PI16: variants seen among roughly 807,000 people sequenced by gnomAD.
PI16 encodes the protein peptidase inhibitor 16, also known as PSP94-binding protein.
PI16 carries 35 observed loss-of-function variants against 38.0 expected under a neutral mutation model. That is an observed-to-expected ratio of 0.92 (90% CI 0.70 to 1.22). PI16 has a LOEUF of 1.22. PI16 is among the 50% of genes most tolerant of loss of function. The pLI, the probability that PI16 is intolerant of heterozygous loss-of-function variation, is 0.00. For synonymous variants in PI16, 275 were observed against 252.9 expected (o/e 1.09, Z -0.83); for missense variants, 572 against 593.8 (o/e 0.96, Z 0.38).
rs150690627 is a variant in PI16, at chr6:36,963,500, A to G, written c.1158A>G (p.Thr386=). 1.9e-6 allele frequency: 3 copies of G among 1,614,164 alleles called. No homozygotes were observed. Among genetic ancestry groups the G allele is most frequent in the Non-Finnish European group, 1.7e-6 (2 of 1,180,034 alleles). The change falls in exon 5 of 7, where the codon ACA becomes ACG. Residue 386 remains threonine (T), a synonymous_variant. Coordinates refer to ENST00000373674, the MANE Select transcript of PI16 (RefSeq NM_153370.3). The stretch of plus-strand genomic sequence containing the variant: ...ACAAGCCAGGTGAGCTGCAGGCCAC[A>G]CTGGACCACACGGGGCACACCTCCT... ...AQDKPGELQA[T]LDHTGHTSSK... is the part of the protein sequence containing the mutation.
intron 2 of PI16, among the ~76,000 whole-genome samples, chr6:36,959,647 A>C (rs1041822049): frequency 2.0e-5 from 3 of 152,182 alleles, no homozygotes; most frequent in Non-Finnish European, 2.9e-5. Context: ...CCGAGCTGGG[A>C]GGATCGCTTA....
At chr6:36,959,638 C>T (rs895911353) in intron 2 of PI16, among the ~76,000 whole-genome samples, 1 of 152,120 alleles carries the variant, frequency 6.6e-6, no homozygotes, top group African/African-American at 2.4e-5. Flanking sequence ...TTTGGGAGGC[C>T]GAGCTGGGAG....
At chr6:36,959,093 C>T (rs1763277028) in intron 1 of PI16, 52 bp from the exon 2 acceptor site, 1 of 1,490,436 alleles carries the variant, frequency 6.7e-7, no homozygotes, top group Non-Finnish European at 9.1e-7. Context: ...TTTGCTTGGT[C>T]CCCACAGCAT....
upstream of PI16, among the ~76,000 whole-genome samples, chr6:36,951,052 T>C (rs555377037): frequency 1.3e-5 from 2 of 152,354 alleles, no homozygotes; most frequent in African/African-American, 2.4e-5. Context: ...TGTTTCTTAA[T>C]AATAGCCATC....
intron 6 of PI16, among the ~76,000 whole-genome samples, 163 bp from the exon 7 acceptor site, chr6:36,964,223 T>A (rs963590598): frequency 3.9e-5 from 6 of 152,178 alleles, no homozygotes; most frequent in South Asian, 2.1e-4. Flanking sequence ...GAGCGGTATT[T>A]ACATGTGCCC....
At chr6:36,956,022 C>G (rs1763196161) in intron 1 of PI16, among the ~76,000 whole-genome samples, 1 of 152,136 alleles carries the variant, frequency 6.6e-6, no homozygotes, top group African/African-American at 2.4e-5. Flanking sequence ...TAACAGTGAG[C>G]CTGGGGCCCC....
chr6:36,964,216 C>A (rs185739385), intron 6 of PI16, among the ~76,000 whole-genome samples, 170 bp from the exon 7 acceptor site: 4 of 152,308 alleles, frequency 2.6e-5, no homozygotes, highest in African/African-American at 9.6e-5. Flanking sequence ...CTGTTCTGAG[C>A]GGTATTTACA....
chr6:36,962,040 C>A lies in PI16; in HGVS notation c.592+66C>A. 1.5e-6 allele frequency: 2 copies of A among 1,372,244 alleles called. No individual in the cohort carries two copies. The highest frequency in any genetic ancestry group is 1.2e-5 in the South Asian group (1 of 85,970). 85.0% of individuals were successfully genotyped at this position (1,372,244 alleles called of 1,614,324 possible). Reference sequence around the variant, plus strand: ...AATGATGCGATGCAGACTGGATGGTCTAAGAGCCTCCCTGGACTGAGCGGG... The same window carrying A: ...AATGATGCGATGCAGACTGGATGGTATAAGAGCCTCCCTGGACTGAGCGGG... On this transcript the variant is annotated intron_variant, in intron 4 of 6. Coordinates refer to ENST00000373674, the MANE Select transcript of PI16 (RefSeq NM_153370.3). The surrounding 1 kb of genome is among the most constrained non-coding windows in gnomAD (Gnocchi z 4.1).
At position 36,959,364 on chromosome 6, in the gene PI16, C is replaced by T; in HGVS notation, c.391C>T (p.Gln131Ter). 6.4e-7 allele frequency: 1 copy of T among 1,552,028 alleles called. No individual in the cohort carries two copies. Among genetic ancestry groups the T allele is most frequent in the East Asian group, 2.4e-5 (1 of 41,298 alleles). ...AGGCCAGATGTGCGGCCACTACACG[C>T]AGGTGTGGGCCCGGCGGGCGAGGCG... ...SPGQMCGHYT[Q>*]VVWAKTERIG... The change falls in exon 2 of 7, where the codon CAG becomes TAG. Residue 131 changes from glutamine to a stop codon, truncating the protein, a stop_gained and splice_region_variant. Transcript: ENST00000373674. LOFTEE classifies it high-confidence loss of function.
chr6:36,959,368 T>G lies in PI16; in HGVS notation c.393+2T>G. The G allele has an allele frequency of 3.2e-6, 5 of 1,549,420 alleles. No homozygotes were observed. Among genetic ancestry groups the G allele is most frequent in the Non-Finnish European group, 4.4e-6 (5 of 1,146,850 alleles). On this transcript the variant is annotated splice_donor_variant, in intron 2 of 6. Transcript: ENST00000373674. LOFTEE classifies it high-confidence loss of function. ...CAGATGTGCGGCCACTACACGCAGG[T>G]GTGGGCCCGGCGGGCGAGGCGGGGC...
rs759353266 is a variant in PI16 at position 36,954,752 on chromosome 6, C to T, written c.-9C>T. The T allele has an allele frequency of 6.2e-7, 1 of 1,607,216 alleles. No homozygotes were observed. Among genetic ancestry groups the T allele is most frequent in the South Asian group, 1.1e-5 (1 of 90,578 alleles). On this transcript the variant is annotated 5_prime_UTR_variant, in exon 1 of 7. Transcript: ENST00000373674. Reference sequence around the variant, plus strand: ...CCCTGGACGGGAGAAGGAGAGACGGCTGGCCACCATGCACGGCTCCTGCAG... The same window carrying T: ...CCCTGGACGGGAGAAGGAGAGACGGTTGGCCACCATGCACGGCTCCTGCAG...
intron 2 of PI16, 41 bp downstream of exon 2, chr6:36,959,407 G>A: frequency 6.6e-7 from 1 of 1,513,596 alleles, no homozygotes; most frequent in Non-Finnish European, 8.8e-7. Flanking sequence ...GCCTCGCGGC[G>A]TGGGGGTGGG....
intron 3 of PI16, 127 bp downstream of exon 3, chr6:36,961,687 G>GTCT: frequency 1.0e-6 from 1 of 964,670 alleles, no homozygotes; most frequent in South Asian, 1.4e-5. Flanking sequence ...ATACTGTCCA[G>GTCT]GGAGCTGTGA....
intron 1 of PI16, among the ~76,000 whole-genome samples, chr6:36,949,657 T>G (rs375621093): frequency 4.4e-4 from 67 of 152,340 alleles, no homozygotes; most frequent in Admixed American, 2.2e-3. Context: ...CTTCCGATTC[T>G]TTTCCACATC....
In PI16 at chr6:36,963,176, A is replaced by G. The variant is rs1449386816; in HGVS notation, c.834A>G (p.Thr278=). ...LATKDPPSMA[T]EAPPCVTTEV... is the part of the protein sequence containing the mutation. ...CGAAAGACCCGCCCTCCATGGCAAC[A>G]GAGGCTCCACCTTGCGTAACAACTG... The change falls in exon 5 of 7, where the codon ACA becomes ACG. Residue 278 remains threonine (T), a synonymous_variant. Coordinates refer to ENST00000373674, the MANE Select transcript of PI16 (RefSeq NM_153370.3). 6.2e-7 allele frequency: 1 copy of G among 1,614,210 alleles called. No homozygotes were observed. The highest frequency in any genetic ancestry group is 8.5e-7 in the Non-Finnish European group (1 of 1,180,032).
At position 36,963,351 on chromosome 6, in the gene PI16, C is replaced by G. The variant is rs772360531; in HGVS notation, c.1009C>G (p.Leu337Val). ...KVPSRSPENS[L>V]DPKMSLTGAR... ...GCCCTCTAGGAGCCCAGAGAACTCT[C>G]TGGACCCCAAGATGTCCCTGACAGG... Residue 337 changes from leucine (L) to valine (V), a missense_variant, in exon 5 of 7, where the codon CTG becomes GTG. Coordinates refer to ENST00000373674, the MANE Select transcript of PI16 (RefSeq NM_153370.3). The G allele has an allele frequency of 6.2e-7, 1 of 1,614,226 alleles. No homozygotes were observed. Among genetic ancestry groups the G allele is most frequent in the Non-Finnish European group, 8.5e-7 (1 of 1,180,040 alleles).
chr6:36,960,649 C>A (rs1313665790), intron 2 of PI16, among the ~76,000 whole-genome samples: 5 of 145,146 alleles, frequency 3.4e-5, no homozygotes, highest in East Asian at 4.2e-4. Context: ...TCCACCCCCC[C>A]CCTCCCTCTA....
chr6:36,958,373 A>G (rs1763259282), intron 1 of PI16, among the ~76,000 whole-genome samples: 1 of 152,094 alleles, frequency 6.6e-6, no homozygotes, highest in African/African-American at 2.4e-5. Context: ...CAGGGACACA[A>G]TCGCAAAGGC....
At chr6:36,948,617 T>TCC (rs2150731523) in intron 1 of PI16, among the ~76,000 whole-genome samples, 3 of 116,786 alleles carry the variant, frequency 2.6e-5, no homozygotes, top group East Asian at 4.1e-4. Flanking sequence ...TTTCTTTTTT[T>TCC]TTTTCCTTCC....
Sources: gnomAD v4.1 joint callset for allele counts (sites outside exome capture counted in the v4.1 genomes callset) on GRCh38, gnomAD v4.1.1 for gene constraint, Gnocchi (gnomAD v3.1) non-coding constraint, MANE v1.5 for transcripts, NCBI Gene and HGNC (gene_info 2026-07-23, HGNC 2026-07-21) for gene names.